Variants in ARF1 observed in about 807,000 individuals in gnomAD.
The protein encoded by ARF1 is ADP-ribosylation factor 1.
Under a neutral mutation model 18.0 loss-of-function variants are expected in ARF1, and 1 was observed. That is an observed-to-expected ratio of 0.06 (90% CI 0.02 to 0.26). The LOEUF is 0.26. ARF1 is among the 10% of genes least tolerant of loss of function. The pLI, the probability that ARF1 is intolerant of heterozygous loss-of-function variation, is 1.00. For missense variants in ARF1, 73 were observed against 247.2 expected (o/e 0.30, Z 4.73); for synonymous variants, 112 against 96.3 (o/e 1.16, Z -0.95).
rs2032801420 is a variant in ARF1, at chr1:228,097,828, C to T, written c.385-24C>T. On this transcript the variant is annotated intron_variant, in intron 4 of 4. Coordinates refer to ENST00000272102, the MANE Select transcript of ARF1 (RefSeq NM_001658.4). The surrounding 1 kb of genome is among the most constrained non-coding windows in gnomAD (Gnocchi z 8.1). ...TTTCTCTGTCCTGTGGACAGCCCTT[C>T]CCACCAACCCTTCCTTCCCCCAGGA... 1.2e-6 allele frequency: 2 copies of T among 1,608,026 alleles called. No homozygotes were observed. Among genetic ancestry groups the T allele is most frequent in the Non-Finnish European group, 1.7e-6 (2 of 1,176,256 alleles).
Position 228,097,775 on chromosome 1 carries a change from A to G in ARF1, c.384+60A>G. On this transcript the variant is annotated intron_variant, in intron 4 of 4. Transcript: ENST00000272102. The surrounding 1 kb of genome is among the most constrained non-coding windows in gnomAD (Gnocchi z 8.1). Reference sequence around the variant, plus strand: ...GCCAGTGTGGGTTCCGCCTGGTGGTAGGGGTTACTGGAGGCTGGTGGGGCC... The same window carrying G: ...GCCAGTGTGGGTTCCGCCTGGTGGTGGGGGTTACTGGAGGCTGGTGGGGCC... 6.3e-7 allele frequency: 1 copy of G among 1,590,090 alleles called. No individual in the cohort carries two copies. Among genetic ancestry groups the G allele is most frequent in the South Asian group, 1.1e-5 (1 of 87,202 alleles).
intron 1 of ARF1, among the ~76,000 whole-genome samples, chr1:228,095,700 A>G (rs1308686105): frequency 6.6e-6 from 1 of 152,284 alleles, no homozygotes; most frequent in East Asian, 1.9e-4. Context: ...CTGGTCAATC[A>G]TCACATCCAA....
chr1:228,085,959 A>G (rs2032381788), intron 1 of ARF1, among the ~76,000 whole-genome samples: 1 of 152,198 alleles, frequency 6.6e-6, no homozygotes, highest in Non-Finnish European at 1.5e-5. Flanking sequence ...TTGACCAGTG[A>G]TGGGCAGCCC....
At position 228,092,827 on chromosome 1, in the gene ARF1, A is replaced by C. The variant is rs576719211; in HGVS notation, c.-37-4251A>C. ...TGGACCAGTTTGGTTGGATCCATTC[A>C]TGGACACAAAACGGATGTGAACTCA... On this transcript the variant is annotated intron_variant, in intron 1 of 4. Coordinates refer to ENST00000272102, the MANE Select transcript of ARF1 (RefSeq NM_001658.4). Among the ~76,000 whole-genome samples the C allele has an allele frequency of 4.6e-5, 7 of 152,288 alleles. No individual in the cohort carries two copies. The South Asian group carries it at 1.4e-3, about 32-fold the overall frequency.
Position 228,094,577 on chromosome 1 carries a change from C to T in ARF1, c.-37-2501C>T, listed in dbSNP as rs181959195. Among the ~76,000 whole-genome samples the T allele has an allele frequency of 2.5e-3, 373 of 152,168 alleles. 1 individual carries two copies. Among genetic ancestry groups the T allele is most frequent in the African/African-American group, 8.6e-3 (356 of 41,514 alleles). On this transcript the variant is annotated intron_variant, in intron 1 of 4. Transcript: ENST00000272102. ...CATTCTTGCAGGTGTCCACTTCCTG[C>T]TCCAGTCTGAGGGGGTTGGCTAGGC...
chr1:228,093,786 A>G (rs1023119512), intron 1 of ARF1, among the ~76,000 whole-genome samples: 1 of 151,768 alleles, frequency 6.6e-6, no homozygotes, highest in African/African-American at 2.4e-5. Context: ...AAATTAGCTC[A>G]GCGTGGTGGC....
intron 1 of ARF1, chr1:228,090,732 G>A (rs537228465): frequency 3.9e-5 from 6 of 152,396 alleles, no homozygotes; most frequent in African/African-American, 9.6e-5. Context: ...GCTGACTCAC[G>A]GGGTGTGCAC....
intron 1 of ARF1, among the ~76,000 whole-genome samples, chr1:228,093,472 C>T (rs1213208019): frequency 1.3e-5 from 2 of 152,106 alleles, no homozygotes; most frequent in Non-Finnish European, 2.9e-5. Flanking sequence ...ATATGTGCAG[C>T]AGGGCCACAG....
chr1:228,097,261 A>AGGTGAGGT lies in ARF1; in HGVS notation c.148+2_148+9dup. ...AGATCGTGACCACCATTCCCACCATAGGTGAGGTGGGGGCCAGCAGGGAGT... is the reference window on the plus strand; with the variant it reads ...AGATCGTGACCACCATTCCCACCATAGGTGAGGTGGTGAGGTGGGGGCCAGCAGGGAGT... On this transcript the variant is annotated frameshift_variant and splice_region_variant, in exon 2 of 5. Coordinates refer to ENST00000272102, the MANE Select transcript of ARF1 (RefSeq NM_001658.4). LOFTEE classifies it high-confidence loss of function. The surrounding 1 kb of genome is among the most constrained non-coding windows in gnomAD (Gnocchi z 8.1). 1 of 1,610,322 alleles carries AGGTGAGGT rather than the reference A, an allele frequency of 6.2e-7. No homozygotes were observed. The highest frequency in any genetic ancestry group is 8.5e-7 in the Non-Finnish European group (1 of 1,177,692).
chr1:228,098,190 T>A lies in ARF1; in HGVS notation c.*177T>A. 1 of 710,074 alleles carries A rather than the reference T, an allele frequency of 1.4e-6. No homozygotes were observed. The highest frequency in any genetic ancestry group is 2.2e-6 in the Non-Finnish European group (1 of 463,074). The allele number at this position is 710,074 out of a possible 1,614,324, so 44.0% of individuals were successfully genotyped here. A position where few individuals can be genotyped will look rare whatever the true frequency, so the allele number is the denominator to read the frequency against. On this transcript the variant is annotated 3_prime_UTR_variant, in exon 5 of 5. Transcript: ENST00000272102. ...GGCCAGGCTTTTTATTTAATGTAAA[T>A]AGTTTTTGTTTCCAATGAGGCAGTT...
rs776199101 is a variant in ARF1, at chr1:228,098,055, ACT to A, written c.*46_*47del. The A allele has an allele frequency of 7.0e-6, 11 of 1,570,082 alleles. No individual in the cohort carries two copies. The highest frequency in any genetic ancestry group is 9.5e-6 in the Non-Finnish European group (11 of 1,154,542). ...TCTCACTCCTCTTGCCCTCTGCTTT[ACT>A]CTCATGTGGCAAACGTGCGGCTCGT... is the stretch of plus-strand genomic sequence containing the variant. On this transcript the variant is annotated 3_prime_UTR_variant, in exon 5 of 5. Coordinates refer to ENST00000272102, the MANE Select transcript of ARF1 (RefSeq NM_001658.4).
intron 1 of ARF1, chr1:228,088,133 G>A (rs1168435087): frequency 6.6e-6 from 1 of 152,294 alleles, no homozygotes; most frequent in Non-Finnish European, 1.5e-5. Flanking sequence ...GTGACGGTGA[G>A]TGCCACACAG....
chr1:228,082,885 G>A lies in ARF1; in HGVS notation c.-38+120G>A, dbSNP rs928993836. 6.5e-6 allele frequency: 1 copy of A among 152,880 alleles called. No individual in the cohort carries two copies. Among genetic ancestry groups the A allele is most frequent in the African/African-American group, 2.4e-5 (1 of 41,372 alleles). 9.5% of individuals were successfully genotyped at this position (152,880 alleles called of 1,614,324 possible). A position where few individuals can be genotyped will look rare whatever the true frequency, so the allele number is the denominator to read the frequency against. On this transcript the variant is annotated intron_variant, in intron 1 of 4. Coordinates refer to ENST00000272102, the MANE Select transcript of ARF1 (RefSeq NM_001658.4). This position sits in a 1 kb window ranked among gnomAD's most constrained non-coding sequence, Gnocchi z 6.1. ...GGGCACGTCGACCCCCGCGGCGGCG[G>A]CGGCGACAGGGCCGGGCCGGGGGCG...
At position 228,097,061 on chromosome 1, in the gene ARF1, G is replaced by A. The variant is rs2032770103; in HGVS notation, c.-37-17G>A. ...TGGGCAGCACAGAACCAGACATGGA[G>A]CACCTTGTCTCTCCAGGTGTCCCTG... On this transcript the variant is annotated splice_polypyrimidine_tract_variant and intron_variant, in intron 1 of 4. Transcript: ENST00000272102. The surrounding 1 kb of genome is among the most constrained non-coding windows in gnomAD (Gnocchi z 8.1). 1.9e-6 allele frequency: 3 copies of A among 1,548,352 alleles called. No homozygotes were observed. The highest frequency in any genetic ancestry group is 2.6e-6 in the Non-Finnish European group (3 of 1,146,304).
intron 1 of ARF1, 81 bp from the exon 2 acceptor site, chr1:228,096,997 G>A: frequency 1.5e-6 from 2 of 1,295,602 alleles, no homozygotes; most frequent in South Asian, 3.1e-5. Context: ...GTGAGGCAGT[G>A]GTGCATCCCT....
rs200482095 is a variant in ARF1 at position 228,084,809 on chromosome 1, G to GACC, written c.-38+2046_-38+2048dup. Among the ~76,000 whole-genome samples, 872 of 152,354 alleles carry GACC rather than the reference G, an allele frequency of 5.7e-3. 6 individuals carry two copies. Among genetic ancestry groups the GACC allele is most frequent in the Middle Eastern group, 0.01 (3 of 294 alleles). ...CAAGTTCACACGTGGAGTAGTATATGACCATGGTTTCAGAGAACTGAAGCA... is the reference window on the plus strand; with the variant it reads ...CAAGTTCACACGTGGAGTAGTATATGACCACCATGGTTTCAGAGAACTGAAGCA... On this transcript the variant is annotated intron_variant, in intron 1 of 4. Coordinates refer to ENST00000272102, the MANE Select transcript of ARF1 (RefSeq NM_001658.4).
chr1:228,096,964 C>T, intron 1 of ARF1, 114 bp from the exon 2 acceptor site: 1 of 976,834 alleles, frequency 1.0e-6, no homozygotes, highest in Non-Finnish European at 1.5e-6. Flanking sequence ...TCCCTGTTTC[C>T]CTGCAGGCTT....
At chr1:228,092,005 T>G (rs1019787177) in intron 1 of ARF1, among the ~76,000 whole-genome samples, 3 of 152,234 alleles carry the variant, frequency 2.0e-5, no homozygotes, top group Non-Finnish European at 2.9e-5. Context: ...CAGAAATTCT[T>G]AAAATGTTAT....
intron 1 of ARF1, among the ~76,000 whole-genome samples, chr1:228,088,879 A>G (rs969535239): frequency 2.0e-5 from 3 of 152,184 alleles, no homozygotes; most frequent in Non-Finnish European, 4.4e-5. Context: ...TTGGGTTGCC[A>G]GAGGCAGCAT....
Sources: allele counts gnomAD v4.1 joint callset (sites outside exome capture counted in the v4.1 genomes callset), GRCh38; gene constraint gnomAD v4.1.1; non-coding constraint Gnocchi (gnomAD v3.1); transcripts MANE v1.5; gene names NCBI Gene and HGNC (gene_info 2026-07-23, HGNC 2026-07-21).